Variants in MAP2K6 observed in about 807,000 individuals in gnomAD.
The protein encoded by MAP2K6 is dual specificity mitogen-activated protein kinase kinase 6.
Under a neutral mutation model 53.7 loss-of-function variants are expected in MAP2K6, and 16 were observed. The ratio of observed to expected loss-of-function variants is 0.30; its 90% CI spans 0.20 to 0.45. The LOEUF is 0.45. MAP2K6 is among the 20% of genes least tolerant of loss of function. MAP2K6 has a pLI of 1.00. For synonymous variants in MAP2K6, 132 were observed against 143.1 expected, an observed-to-expected ratio of 0.92 and a Z score of 0.55; for missense variants, 204 against 411.9, an observed-to-expected ratio of 0.50 and a Z score of 4.37.
intron 1 of MAP2K6, among the ~76,000 whole-genome samples, chr17:69,465,684 A>G (rs1273197314): frequency 2.0e-5 from 3 of 151,412 alleles, no homozygotes; most frequent in Non-Finnish European, 4.4e-5. Flanking sequence ...CAATGGTGCA[A>G]TCTCGGCTCA....
intron 4 of MAP2K6, among the ~76,000 whole-genome samples, chr17:69,518,160 G>A (rs139021766): frequency 4.6e-5 from 7 of 151,862 alleles, no homozygotes; most frequent in East Asian, 1.9e-4. Flanking sequence ...ACTGCACTCC[G>A]GCCTGGACAA....
chr17:69,511,159 T>A lies in MAP2K6; in HGVS notation c.83+5313T>A, dbSNP rs534722321. ...AACAAGGATAAAAGCAGTTTATATT[T>A]TCCCTCGTATGGTATTAATAAGGTA... is the stretch of plus-strand genomic sequence containing the variant. On this transcript the variant is annotated intron_variant, in intron 2 of 11. Coordinates refer to ENST00000590474, the MANE Select transcript of MAP2K6 (RefSeq NM_002758.4). Among the ~76,000 whole-genome samples the A allele has an allele frequency of 2.0e-5, 3 of 152,316 alleles. No homozygotes were observed. In the East Asian group the frequency reaches 5.8e-4, roughly 29 times the overall value.
intron 2 of MAP2K6, among the ~76,000 whole-genome samples, chr17:69,512,917 C>T (rs955158093): frequency 2.0e-5 from 3 of 152,088 alleles, no homozygotes; most frequent in Non-Finnish European, 4.4e-5. Flanking sequence ...GAATAATTAT[C>T]ATACTAAACC....
At chr17:69,534,955 TTTTCTTTTCTTTC>T (rs1482956332) in intron 10 of MAP2K6, among the ~76,000 whole-genome samples, 1 of 152,058 alleles carries the variant, frequency 6.6e-6, no homozygotes, top group East Asian at 1.9e-4. Flanking sequence ...AAATTGTTTC[TTTTCTTTTCTTTC>T]TTTCTTTTTC....
intron 3 of MAP2K6, among the ~76,000 whole-genome samples, chr17:69,517,291 C>T (rs907751972): frequency 1.3e-5 from 2 of 151,956 alleles, no homozygotes; most frequent in Non-Finnish European, 2.9e-5. Flanking sequence ...TTGCCTGGGA[C>T]AAGCAGGTGG....
intron 1 of MAP2K6, among the ~76,000 whole-genome samples, chr17:69,417,420 G>A (rs1348277063): frequency 6.6e-6 from 1 of 152,182 alleles, no homozygotes; most frequent in African/African-American, 2.4e-5. Flanking sequence ...TTAAGGCACA[G>A]CAGAGGCAAA....
chr17:69,441,150 G>T (rs558637178), intron 1 of MAP2K6, among the ~76,000 whole-genome samples: 1 of 152,170 alleles, frequency 6.6e-6, no homozygotes, highest in African/African-American at 2.4e-5. Flanking sequence ...TCATGATGTG[G>T]GGTGTGACTG....
chr17:69,456,676 T>C (rs953958779), intron 1 of MAP2K6, among the ~76,000 whole-genome samples: 1 of 152,166 alleles, frequency 6.6e-6, no homozygotes, highest in African/African-American at 2.4e-5. Context: ...CTGTCACCAC[T>C]AAACCCTGTT....
intron 1 of MAP2K6, among the ~76,000 whole-genome samples, chr17:69,449,997 C>T (rs898843172): frequency 6.6e-6 from 1 of 151,658 alleles, no homozygotes; most frequent in Non-Finnish European, 1.5e-5. Context: ...TGCAGTGGCG[C>T]GATCTTGGCT....
intron 11 of MAP2K6, among the ~76,000 whole-genome samples, chr17:69,539,887 T>C (rs142737466): frequency 6.6e-6 from 1 of 152,314 alleles, no homozygotes; most frequent in East Asian, 1.9e-4. Flanking sequence ...ATGTGGTGAC[T>C]AATCAGAAGT....
At position 69,504,091 on chromosome 17, in the gene MAP2K6, C is replaced by T. The variant is rs1368882414; in HGVS notation, c.17-1689C>T. Among the ~76,000 whole-genome samples the T allele has an allele frequency of 8.5e-5, 13 of 152,208 alleles. No homozygotes were observed. In the East Asian group the frequency reaches 1.4e-3, roughly 16 times the overall value. On this transcript the variant is annotated intron_variant, in intron 1 of 11. Coordinates refer to ENST00000590474, the MANE Select transcript of MAP2K6 (RefSeq NM_002758.4). Reference sequence around the variant, plus strand: ...CTGATTCTGACTGGGTCATTGCTGACCTCTGTGATGTGGAGCAAGTCACTG... The same window carrying T: ...CTGATTCTGACTGGGTCATTGCTGATCTCTGTGATGTGGAGCAAGTCACTG...
chr17:69,484,330 T>A (rs1185594355), intron 1 of MAP2K6, among the ~76,000 whole-genome samples: 1 of 151,960 alleles, frequency 6.6e-6, no homozygotes, highest in Non-Finnish European at 1.5e-5. Context: ...CGTAAAATTA[T>A]GTTCAGCATC....
chr17:69,517,632 C>G lies in MAP2K6; in HGVS notation c.246+19C>G, dbSNP rs763784224. On this transcript the variant is annotated intron_variant, in intron 4 of 11. Coordinates refer to ENST00000590474, the MANE Select transcript of MAP2K6 (RefSeq NM_002758.4). Reference sequence around the variant, plus strand: ...AGTGAAGGTAGAGTTGACATTCTCCCAAATGTTTTATATCTGCTGTGTATA... The same window carrying G: ...AGTGAAGGTAGAGTTGACATTCTCCGAAATGTTTTATATCTGCTGTGTATA... 6.4e-7 allele frequency: 1 copy of G among 1,556,444 alleles called. No homozygotes were observed. The highest frequency in any genetic ancestry group is 1.2e-5 in the South Asian group (1 of 84,784).
At position 69,524,998 on chromosome 17, in the gene MAP2K6, A is replaced by C. The variant is rs1300253587; in HGVS notation, c.741+20A>C. 3.1e-6 allele frequency: 5 copies of C among 1,595,762 alleles called. No homozygotes were observed. The African/African-American group carries it at 5.4e-5, about 17-fold the overall frequency. On this transcript the variant is annotated intron_variant, in intron 9 of 11. Coordinates refer to ENST00000590474, the MANE Select transcript of MAP2K6 (RefSeq NM_002758.4). ...ACGATGGTAGTGTATGCCAATCATC[A>C]TGAACTATGAGGTTGTGGGTAATGA...
intron 7 of MAP2K6, 47 bp downstream of exon 7, chr17:69,521,147 C>T: frequency 6.4e-7 from 1 of 1,553,078 alleles, no homozygotes; most frequent in South Asian, 1.1e-5. Context: ...TAAAGTTCAT[C>T]TCTTTCACCT....
intron 1 of MAP2K6, 67 bp from the exon 2 acceptor site, chr17:69,505,713 C>T: frequency 7.9e-7 from 1 of 1,269,466 alleles, no homozygotes; most frequent in Non-Finnish European, 1.2e-6. Flanking sequence ...TCCTTTGCCG[C>T]AGTCTCTTTC....
Position 69,521,076 on chromosome 17 carries a change from A to T in MAP2K6, c.511A>T (p.Ser171Cys). The T allele has an allele frequency of 6.2e-7, 1 of 1,610,266 alleles. No individual in the cohort carries two copies. Among genetic ancestry groups the T allele is most frequent in the Non-Finnish European group, 8.5e-7 (1 of 1,178,262 alleles). Reference sequence around the variant, plus strand: ...TGTAAAAGCATTAGAACATTTACATAGTAAGCTGTCTGTCATTCACAGAGG... The same window carrying T: ...TGTAAAAGCATTAGAACATTTACATTGTAAGCTGTCTGTCATTCACAGAGG... ...SIVKALEHLHSKLSVIHRDVK... is the reference protein window; with the variant it reads ...SIVKALEHLHCKLSVIHRDVK... The change falls in exon 7 of 12, where the codon AGT (serine) becomes TGT (cysteine). Residue 171 changes from serine to cysteine, a missense_variant. By Grantham distance (112) the Ser-to-Cys change is moderately radical (BLOSUM62 -1). Around this residue, in one of 3 missense-constraint regions of MAP2K6, gnomAD observed 129 missense variants for 247.1 expected, o/e 0.52. Transcript: ENST00000590474.
intron 10 of MAP2K6, among the ~76,000 whole-genome samples, chr17:69,528,179 A>G (rs1488767324): frequency 1.3e-5 from 2 of 151,640 alleles, no homozygotes; most frequent in East Asian, 3.9e-4. Context: ...AAACAAAGCA[A>G]CTGTCTGTTG....
At chr17:69,478,543 C>T (rs934937717) in intron 1 of MAP2K6, among the ~76,000 whole-genome samples, 1 of 152,190 alleles carries the variant, frequency 6.6e-6, no homozygotes, top group Non-Finnish European at 1.5e-5. Context: ...AGTGATTCTC[C>T]TGGCTCAGCC....
Sources: allele counts gnomAD v4.1 joint callset (sites outside exome capture counted in the v4.1 genomes callset), GRCh38; gene constraint gnomAD v4.1.1; regional missense constraint gnomAD v4.1.1; transcripts MANE v1.5; gene names NCBI Gene and HGNC (gene_info 2026-07-23, HGNC 2026-07-21).